The following WDPCP variants were observed in gnomAD, a reference collection of about 807,000 sequenced individuals.
WDPCP encodes the protein WD repeat containing planar cell polarity effector, also known as WD repeat-containing and planar cell polarity effector protein fritz homolog.
Under a neutral mutation model 93.1 loss-of-function variants are expected in WDPCP, and 71 were observed. The ratio of observed to expected loss-of-function variants is 0.76; its 90% confidence interval spans 0.63 to 0.93. The LOEUF (loss-of-function observed/expected upper bound fraction) is 0.93. Among genes scored for constraint, WDPCP ranks in the 40% least tolerant of loss-of-function variants. The probability of loss-of-function intolerance (pLI) is 0.00; values close to 1 mark genes in which losing one functional copy is unlikely to be tolerated. For synonymous variants in WDPCP, 315 were observed against 315.0 expected, an observed-to-expected ratio of 1.00 and a Z score of 0.00; for missense variants, 844 against 887.4, an observed-to-expected ratio of 0.95 and a Z score of 0.62.
intron 2 of WDPCP, among the ~76,000 whole-genome samples, chr2:63,742,999 G>T (rs1669745048): frequency 6.6e-6 from 1 of 151,900 alleles, no homozygotes; most frequent in Admixed American, 6.6e-5. Context: ...ATGCCAAAAG[G>T]GATGTTTACA....
At chr2:63,129,544 A>T (rs995946525) in intron 17 of WDPCP, among the ~76,000 whole-genome samples, 7 of 152,124 alleles carry the variant, frequency 4.6e-5, no homozygotes, top group African/African-American at 1.7e-4. Flanking sequence ...TTGTGGTTTG[A>T]TCTGCATTTT....
chr2:63,462,031 C>T (rs1049980484), intron 6 of WDPCP, among the ~76,000 whole-genome samples: 4 of 152,206 alleles, frequency 2.6e-5, no homozygotes, highest in Non-Finnish European at 2.9e-5. Flanking sequence ...AATCATGCTG[C>T]TATAAAGACA....
At chr2:63,228,377 TTTTC>T (rs1231544395) in intron 14 of WDPCP, 1 of 143,270 alleles carries the variant, frequency 7.0e-6, no homozygotes, top group African/African-American at 2.5e-5. Flanking sequence ...ATTTTGTTCT[TTTTC>T]TTTTTCTTTT....
intron 2 of WDPCP, among the ~76,000 whole-genome samples, chr2:63,779,453 T>G (rs889128027): frequency 6.6e-6 from 1 of 152,162 alleles, no homozygotes; most frequent in African/African-American, 2.4e-5. Context: ...TATATTAAGT[T>G]GAGAAGAGCC....
At chr2:63,220,063 G>A (rs1286118061) in intron 14 of WDPCP, among the ~76,000 whole-genome samples, 2 of 152,024 alleles carry the variant, frequency 1.3e-5, no homozygotes, top group Non-Finnish European at 2.9e-5. Flanking sequence ...AAAGCCTTTG[G>A]CGACATTGAC....
At chr2:63,163,442 G>T (rs932311367) in intron 15 of WDPCP, among the ~76,000 whole-genome samples, 1 of 152,142 alleles carries the variant, frequency 6.6e-6, no homozygotes, top group Admixed American at 6.6e-5. Context: ...AAAGCACCTG[G>T]TGGGCACAAT....
intron 3 of WDPCP, among the ~76,000 whole-genome samples, chr2:63,647,859 T>C (rs374370283): frequency 6.6e-6 from 1 of 152,172 alleles, no homozygotes; most frequent in Admixed American, 6.5e-5. Flanking sequence ...TAAAAAAAAC[T>C]TGGTTCTTGG....
chr2:63,374,156 T>C (rs1205019034), intron 12 of WDPCP, among the ~76,000 whole-genome samples: 1 of 151,902 alleles, frequency 6.6e-6, no homozygotes, highest in Non-Finnish European at 1.5e-5. Flanking sequence ...TCTAGATTTA[T>C]ATATGGATGT....
intron 9 of WDPCP, among the ~76,000 whole-genome samples, chr2:63,407,664 C>T (rs1043126898): frequency 3.9e-5 from 6 of 152,186 alleles, no homozygotes; most frequent in Non-Finnish European, 7.4e-5. Flanking sequence ...ATCCTCATTT[C>T]TTGGATTCCT....
chr2:63,419,048 A>G (rs969569250), intron 9 of WDPCP, among the ~76,000 whole-genome samples: 1 of 152,222 alleles, frequency 6.6e-6, no homozygotes, highest in African/African-American at 2.4e-5. Context: ...TCAAACTAAC[A>G]AAGAGTAGAA....
At chr2:63,629,011 A>G (rs1456350597) in intron 3 of WDPCP, among the ~76,000 whole-genome samples, 1 of 152,242 alleles carries the variant, frequency 6.6e-6, no homozygotes, top group Non-Finnish European at 1.5e-5. Flanking sequence ...AGAAAGGTAG[A>G]GTAGACATTC....
At chr2:63,318,641 T>C (rs1057493122) in intron 12 of WDPCP, among the ~76,000 whole-genome samples, 2 of 152,088 alleles carry the variant, frequency 1.3e-5, no homozygotes, top group African/African-American at 4.8e-5. Context: ...GTGGCCACTA[T>C]CCTAAGAGAA....
At chr2:63,184,232 G>A (rs781740948) in intron 14 of WDPCP, among the ~76,000 whole-genome samples, 8 of 151,554 alleles carry the variant, frequency 5.3e-5, no homozygotes, top group Non-Finnish European at 7.4e-5. Flanking sequence ...GTTTGTCTTT[G>A]TTGTTTGGTG....
chr2:63,597,536 G>T (rs779779818), intron 3 of WDPCP: 2 of 1,480,554 alleles, frequency 1.4e-6, no homozygotes, highest in Non-Finnish European at 1.8e-6. Flanking sequence ...CAAATCCCAG[G>T]GTGCAGCCTT....
chr2:63,338,798 G>A (rs1465350546), intron 12 of WDPCP, among the ~76,000 whole-genome samples: 1 of 151,352 alleles, frequency 6.6e-6, no homozygotes, highest in African/African-American at 2.4e-5. Flanking sequence ...AGTAAATTTT[G>A]AAGTCAGGTA....
At chr2:63,757,853 G>C (rs1421412173) in intron 2 of WDPCP, among the ~76,000 whole-genome samples, 1 of 152,140 alleles carries the variant, frequency 6.6e-6, no homozygotes, top group Non-Finnish European at 1.5e-5. Context: ...TTCAGCCCAG[G>C]TCCTTGAGTC....
At chr2:63,228,387 C>CTTTTTTTTTTTTTTTTTTTTTTTTT in intron 14 of WDPCP, 2 of 110,432 alleles carry the variant, frequency 1.8e-5, no homozygotes, top group African/African-American at 3.5e-5. Flanking sequence ...TTTTCTTTTT[C>CTTTTTTTTTTTTTTTTTTTTTTTTT]TTTTTTTTTT....
At chr2:63,766,272 G>T (rs1034605996) in intron 2 of WDPCP, among the ~76,000 whole-genome samples, 3 of 151,976 alleles carry the variant, frequency 2.0e-5, no homozygotes, top group Non-Finnish European at 4.4e-5. Flanking sequence ...TTTATTTAAG[G>T]TATGTTTTTA....
intron 1 of WDPCP, among the ~76,000 whole-genome samples, chr2:63,567,632 G>T (rs890317102): frequency 2.0e-5 from 3 of 152,104 alleles, no homozygotes; most frequent in Non-Finnish European, 4.4e-5. Flanking sequence ...TGCTAAAAGA[G>T]GCGTTCCCCA....
Sources: gnomAD v4.1 joint callset for allele counts (sites outside exome capture counted in the v4.1 genomes callset) on GRCh38, gnomAD v4.1.1 for gene constraint, MANE v1.5 for transcripts, NCBI Gene and HGNC (gene_info 2026-07-23, HGNC 2026-07-21) for gene names.